Variants in CDH18 observed in about 807,000 individuals in gnomAD.
CDH18 encodes cadherin-18.
Under a neutral mutation model 67.9 loss-of-function variants are expected in CDH18, and 31 were observed. The ratio of observed to expected loss-of-function variants is 0.46; its 90% CI spans 0.34 to 0.62. CDH18 has a LOEUF of 0.62. CDH18 is among the 20% of genes least tolerant of loss of function. CDH18 has a pLI of 0.01. For synonymous variants in CDH18, 362 were observed against 347.2 expected, an observed-to-expected ratio of 1.04 and a Z score of -0.48; for missense variants, 890 against 975.5, an observed-to-expected ratio of 0.91 and a Z score of 1.17.
chr5:20,435,595 C>A (rs781172289), intron 1 of CDH18, among the ~76,000 whole-genome samples: 1 of 151,810 alleles, frequency 6.6e-6, no homozygotes. Context: ...ATAGGCCAAC[C>A]GCATGGATGT....
intron 3 of CDH18, among the ~76,000 whole-genome samples, chr5:19,808,636 G>T (rs1289433691): frequency 6.6e-6 from 1 of 151,646 alleles, no homozygotes; most frequent in Admixed American, 6.6e-5. Flanking sequence ...GACCGGCCTG[G>T]CCAACATGGT....
chr5:19,694,647 C>T (rs1762309380), intron 5 of CDH18, among the ~76,000 whole-genome samples: 1 of 33,504 alleles, frequency 3.0e-5, no homozygotes, highest in Non-Finnish European at 6.0e-5. Context: ...CAGAATTAAA[C>T]TCTGTGTGTG....
chr5:20,451,425 G>A (rs1344928441), intron 1 of CDH18, among the ~76,000 whole-genome samples: 1 of 152,118 alleles, frequency 6.6e-6, no homozygotes, highest in Non-Finnish European at 1.5e-5. Flanking sequence ...ATACTGCACT[G>A]ATGAACATAA....
At chr5:19,713,207 G>A (rs1181657255) in intron 5 of CDH18, among the ~76,000 whole-genome samples, 2 of 151,898 alleles carry the variant, frequency 1.3e-5, no homozygotes, top group African/African-American at 2.4e-5. Flanking sequence ...GGAAGAAATA[G>A]TATAAGATAT....
At chr5:19,630,975 T>G in intron 5 of CDH18, among the ~76,000 whole-genome samples, 1 of 152,088 alleles carries the variant, frequency 6.6e-6, no homozygotes, top group Admixed American at 6.5e-5. Context: ...AACCAGAAAT[T>G]GTATCACTTT....
intron 9 of CDH18, among the ~76,000 whole-genome samples, chr5:19,527,305 C>T (rs3811867): frequency 0.23 from 34,790 of 151,356 alleles, 4,058 homozygotes; most frequent in South Asian, 0.33. Context: ...AAAAAGTGAG[C>T]TAAATCAATT....
chr5:20,476,772 T>C (rs941948933), intron 1 of CDH18, among the ~76,000 whole-genome samples: 5 of 152,196 alleles, frequency 3.3e-5, no homozygotes, highest in Non-Finnish European at 7.4e-5. Flanking sequence ...TCTTTTGTAA[T>C]TTAAAATAAT....
At chr5:19,763,994 C>CAAAAACAAAAA (rs1772720219) in intron 3 of CDH18, among the ~76,000 whole-genome samples, 1 of 65,302 alleles carries the variant, frequency 1.5e-5, no homozygotes, top group Non-Finnish European at 2.6e-5. Context: ...ACTAAAAATA[C>CAAAAACAAAAA]AAAAAAAAAA....
At chr5:20,015,063 G>GT (rs1344020012) in intron 2 of CDH18, among the ~76,000 whole-genome samples, 1 of 152,138 alleles carries the variant, frequency 6.6e-6, no homozygotes, top group Non-Finnish European at 1.5e-5. Flanking sequence ...ACAGACTCTT[G>GT]TAAAGTGGGA....
At chr5:19,796,394 A>G (rs1490987614) in intron 3 of CDH18, among the ~76,000 whole-genome samples, 1 of 152,174 alleles carries the variant, frequency 6.6e-6, no homozygotes, top group Non-Finnish European at 1.5e-5. Context: ...CGCATGTAAC[A>G]CCATTGAGAC....
intron 2 of CDH18, among the ~76,000 whole-genome samples, chr5:19,868,800 C>A (rs1243871085): frequency 6.6e-6 from 1 of 152,144 alleles, no homozygotes; most frequent in African/African-American, 2.4e-5. Flanking sequence ...ACTCCCCATT[C>A]AGCCAGGGAA....
intron 2 of CDH18, among the ~76,000 whole-genome samples, chr5:19,851,670 AC>A (rs1783714705): frequency 6.6e-6 from 1 of 151,898 alleles, no homozygotes; most frequent in South Asian, 2.1e-4. Flanking sequence ...CTTATTTTTT[AC>A]TACCACATAC....
At chr5:19,541,147 T>A (rs966578058) in intron 9 of CDH18, among the ~76,000 whole-genome samples, 2 of 152,168 alleles carry the variant, frequency 1.3e-5, no homozygotes, top group Non-Finnish European at 2.9e-5. Flanking sequence ...TCTGCTAAGG[T>A]ACAATAAGAG....
chr5:20,424,052 G>A (rs576581098), intron 1 of CDH18, among the ~76,000 whole-genome samples: 2 of 146,696 alleles, frequency 1.4e-5, no homozygotes, highest in Non-Finnish European at 3.0e-5. Context: ...TCTTCAAAAA[G>A]TATAAATAAA....
chr5:19,709,765 G>A (rs533026602), intron 5 of CDH18, among the ~76,000 whole-genome samples: 1 of 152,150 alleles, frequency 6.6e-6, no homozygotes, highest in East Asian at 1.9e-4. Flanking sequence ...TGTTGGGAGA[G>A]TTAGGCACAT....
At chr5:19,484,776 G>A (rs190085460) in intron 11 of CDH18, among the ~76,000 whole-genome samples, 143 of 152,246 alleles carry the variant, frequency 9.4e-4, no homozygotes, top group Non-Finnish European at 1.5e-3. Context: ...CTACGCTGTC[G>A]TTCTTCCTTC....
At chr5:19,872,081 C>T (rs1231136084) in intron 2 of CDH18, among the ~76,000 whole-genome samples, 2 of 152,086 alleles carry the variant, frequency 1.3e-5, no homozygotes, top group African/African-American at 2.4e-5. Context: ...ACAATTATGT[C>T]ATCATTTAAT....
chr5:19,793,419 G>A (rs1319828746), intron 3 of CDH18, among the ~76,000 whole-genome samples: 1 of 152,084 alleles, frequency 6.6e-6, no homozygotes, highest in Non-Finnish European at 1.5e-5. Flanking sequence ...AACTGCATCA[G>A]AAGCAAATAT....
intron 1 of CDH18, among the ~76,000 whole-genome samples, chr5:20,560,470 C>CACAT (rs1297972121): frequency 2.9e-5 from 3 of 101,924 alleles, no homozygotes; most frequent in African/African-American, 1.0e-4. Context: ...AACACTCATA[C>CACAT]ACACACACAC....
Sources: gnomAD v4.1 joint callset for allele counts (sites outside exome capture counted in the v4.1 genomes callset) on GRCh38, gnomAD v4.1.1 for gene constraint, MANE v1.5 for transcripts, NCBI Gene and HGNC (gene_info 2026-07-23, HGNC 2026-07-21) for gene names.